IGF2R: variants seen among roughly 807,000 people sequenced by gnomAD.
The protein encoded by IGF2R is cation-independent mannose-6-phosphate receptor.
A neutral mutation model predicts 270.6 loss-of-function variants in IGF2R; 91 were observed. That is an observed-to-expected ratio of 0.34 (90% CI 0.28 to 0.40). IGF2R has a LOEUF of 0.40. Among genes scored for constraint, IGF2R ranks in the 10% least tolerant of loss-of-function variants. The pLI, the probability that IGF2R is intolerant of heterozygous loss-of-function variation, is 1.00. For missense variants in IGF2R, 2,805 were observed against 3,188.3 expected (o/e 0.88, Z 2.90); for synonymous variants, 1,316 against 1,258.9 (o/e 1.05, Z -0.96).
In IGF2R at chr6:160,107,581, T is replaced by TA. The variant is rs1562382708; in HGVS notation, c.*2497_*2498insA. On this transcript the variant is annotated 3_prime_UTR_variant, in exon 48 of 48. Coordinates refer to ENST00000356956, the MANE Select transcript of IGF2R (RefSeq NM_000876.4). ...TGGAGTACAACCTGGGTATTTAGCT[T>TA]CCTTTCAACAAAATTTTTTGTGCCC... 6.6e-6 allele frequency: 1 copy of TA among 152,230 alleles called. No homozygotes were observed. Among genetic ancestry groups the TA allele is most frequent in the Non-Finnish European group, 1.5e-5 (1 of 68,040 alleles). The allele number at this position is 152,230 out of a possible 1,614,324, so 9.4% of individuals were successfully genotyped here. A position where few individuals can be genotyped will look rare whatever the true frequency, so the allele number is the denominator to read the frequency against.
At chr6:160,002,473 C>G (rs891874306) in intron 2 of IGF2R, among the ~76,000 whole-genome samples, 2 of 152,120 alleles carry the variant, frequency 1.3e-5, no homozygotes, top group Middle Eastern at 3.2e-3. Context: ...TAAAGATCTT[C>G]GTCCTTATTG....
Position 160,076,103 on chromosome 6 carries a change from G to A in IGF2R, c.5316+107G>A, listed in dbSNP as rs1255749828. The A allele has an allele frequency of 7.2e-6, 8 of 1,115,906 alleles. No individual in the cohort carries two copies. The East Asian group carries it at 1.2e-4, about 16-fold the overall frequency. 69.1% of individuals were successfully genotyped at this position (1,115,906 alleles called of 1,614,324 possible). ...GTCCAAGGATACTCTTATTCAAAAT[G>A]TCTGCCTTGGGTAAGATGGTACGCT... On this transcript the variant is annotated intron_variant, in intron 36 of 47. Transcript: ENST00000356956.
intron 28 of IGF2R, 61 bp from the exon 29 acceptor site, chr6:160,064,736 TAAAACTC>T (rs1020478542): frequency 8.9e-5 from 111 of 1,241,846 alleles, no homozygotes; most frequent in Non-Finnish European, 1.2e-4. Flanking sequence ...TTTTCATTCT[TAAAACTC>T]AAAGTATAAA....
chr6:160,007,905 T>TC (rs1368247816), intron 2 of IGF2R, among the ~76,000 whole-genome samples: 1 of 152,230 alleles, frequency 6.6e-6, no homozygotes, highest in African/African-American at 2.4e-5. Flanking sequence ...TCTTTCTCTA[T>TC]CTTAAGATTT....
chr6:160,007,329 A>G (rs1784259078), intron 2 of IGF2R: 1 of 152,248 alleles, frequency 6.6e-6, no homozygotes. Flanking sequence ...TTGTTGAACC[A>G]GTTAACATTT....
At chr6:160,059,193 C>T in intron 22 of IGF2R, 95 bp downstream of exon 22, 2 of 1,011,986 alleles carry the variant, frequency 2.0e-6, no homozygotes, top group Non-Finnish European at 2.9e-6. Context: ...GTGCACATCC[C>T]CCGCCACCAT....
intron 4 of IGF2R, among the ~76,000 whole-genome samples, chr6:160,011,374 T>A (rs1784330729): frequency 6.6e-6 from 1 of 152,112 alleles, no homozygotes; most frequent in Non-Finnish European, 1.5e-5. Context: ...CACCCCTTAT[T>A]ATTTGAACCC....
At chr6:160,026,416 A>G (rs1259404866) in intron 5 of IGF2R, among the ~76,000 whole-genome samples, 1 of 152,176 alleles carries the variant, frequency 6.6e-6, no homozygotes, top group African/African-American at 2.4e-5. Context: ...TTCGTGGGAG[A>G]AGGGTTGTTT....
chr6:159,996,566 G>C (rs1784057083), intron 2 of IGF2R, among the ~76,000 whole-genome samples: 1 of 152,180 alleles, frequency 6.6e-6, no homozygotes, highest in Non-Finnish European at 1.5e-5. Context: ...CAAGGTGTCT[G>C]CGGGGAGGTG....
At chr6:160,040,765 C>T (rs772081467) in intron 11 of IGF2R, 41 bp downstream of exon 11, 9 of 1,566,182 alleles carry the variant, frequency 5.7e-6, no homozygotes, top group Non-Finnish European at 7.8e-6. Flanking sequence ...TCCACATGCT[C>T]ATGGAACATT....
At chr6:160,064,705 G>T in intron 28 of IGF2R, 99 bp from the exon 29 acceptor site, 2 of 1,111,104 alleles carry the variant, frequency 1.8e-6, no homozygotes, top group Non-Finnish European at 2.7e-6. Flanking sequence ...TGATTTTCAT[G>T]AACGTAACCA....
At chr6:160,058,352 G>A (rs1348982015) in intron 21 of IGF2R, among the ~76,000 whole-genome samples, 1 of 152,182 alleles carries the variant, frequency 6.6e-6, no homozygotes, top group Non-Finnish European at 1.5e-5. Context: ...CAAATAATAA[G>A]TTGTTCTCTT....
chr6:160,108,746 G>C lies in IGF2R; in HGVS notation c.*3662G>C, dbSNP rs1779681032. 1 of 152,132 alleles carries C rather than the reference G, an allele frequency of 6.6e-6. No individual in the cohort carries two copies. The highest frequency in any genetic ancestry group is 6.6e-5 in the Admixed American group (1 of 15,266). The allele number at this position is 152,132 out of a possible 1,614,324, so 9.4% of individuals were successfully genotyped here. On this transcript the variant is annotated 3_prime_UTR_variant, in exon 48 of 48. Coordinates refer to ENST00000356956, the MANE Select transcript of IGF2R (RefSeq NM_000876.4). ...TTGCCAGGCTGGAGTGCAGTGGCAT[G>C]ATCTCGGCTCACTGCAATCTCTGCC...
chr6:160,044,480 C>G (rs990717360), intron 12 of IGF2R, 34 bp from the exon 13 acceptor site: 56 of 1,525,384 alleles, frequency 3.7e-5, no homozygotes, highest in Non-Finnish European at 4.8e-5. Flanking sequence ...CATTTTTAAC[C>G]ACATCTTCTG....
chr6:160,047,108 A>G, intron 15 of IGF2R, 51 bp from the exon 16 acceptor site: 1 of 1,561,046 alleles, frequency 6.4e-7, no homozygotes, highest in Non-Finnish European at 8.8e-7. Flanking sequence ...GCAGCCTTGG[A>G]GTGCTTCTGC....
chr6:160,035,553 C>A (rs1248772048), intron 10 of IGF2R, among the ~76,000 whole-genome samples: 1 of 152,232 alleles, frequency 6.6e-6, no homozygotes, highest in Non-Finnish European at 1.5e-5. Context: ...CAAAATGCCC[C>A]AGTAACTGCT....
chr6:160,040,997 C>T (rs1777933340), intron 11 of IGF2R, among the ~76,000 whole-genome samples: 2 of 152,178 alleles, frequency 1.3e-5, no homozygotes, highest in Non-Finnish European at 2.9e-5. Context: ...GCAGCCTCTG[C>T]CCCCTGGGGT....
intron 22 of IGF2R, 152 bp downstream of exon 22, chr6:160,059,250 C>T (rs949826168): frequency 6.5e-6 from 4 of 616,792 alleles, no homozygotes; most frequent in Non-Finnish European, 1.1e-5. Flanking sequence ...GGTGGTCTTC[C>T]TGCGTTTGAC....
intron 4 of IGF2R, among the ~76,000 whole-genome samples, chr6:160,011,299 T>A (rs8191745): frequency 0.14 from 21,664 of 152,104 alleles, 1,661 homozygotes; most frequent in Non-Finnish European, 0.17. Context: ...AGGTCAGGTA[T>A]CCCTTAAATT....
Sources: allele counts gnomAD v4.1 joint callset (sites outside exome capture counted in the v4.1 genomes callset), GRCh38; gene constraint gnomAD v4.1.1; transcripts MANE v1.5; gene names NCBI Gene and HGNC (gene_info 2026-07-23, HGNC 2026-07-21).